Variants in FOXP1 observed in about 807,000 individuals in gnomAD.
FOXP1 encodes the protein forkhead box P1.
FOXP1 carries 15 observed loss-of-function variants against 98.2 expected under a neutral mutation model. The ratio of observed to expected loss-of-function variants is 0.15; its 90% CI spans 0.10 to 0.24. The LOEUF (loss-of-function observed/expected upper bound fraction) is 0.24, where lower values mean the gene tolerates loss of function less well. Ranked by LOEUF, FOXP1 falls within the 10% of genes least tolerant of loss-of-function variation. The probability of loss-of-function intolerance (pLI) is 1.00; values close to 1 mark genes in which losing one functional copy is unlikely to be tolerated. For synonymous variants in FOXP1, 371 were observed against 314.5 expected (o/e 1.18, Z -1.90); for missense variants, 633 against 848.5 (o/e 0.75, Z 3.15).
At chr3:71,112,299 C>A (rs2058009321) in intron 7 of FOXP1, among the ~76,000 whole-genome samples, 2 of 152,170 alleles carry the variant, frequency 1.3e-5, no homozygotes, top group African/African-American at 4.8e-5. Flanking sequence ...TCAACACTTA[C>A]AACTCCTTAT....
rs2042291418 is a variant in FOXP1 at position 71,512,764 on chromosome 3, C to G, written c.-297-19209G>C. On this transcript the variant is annotated intron_variant, in intron 2 of 20. Transcript: ENST00000649528. ...TTCTCAGTTCCATTCTGTCCCACAT[C>G]CTGGTGCCGTCATCTCTTCCCACAC... Among the ~76,000 whole-genome samples the G allele has an allele frequency of 2.0e-5, 3 of 152,284 alleles. No individual in the cohort carries two copies. The South Asian group carries it at 6.2e-4, about 32-fold the overall frequency.
In FOXP1 at chr3:70,977,819, A is replaced by T; in HGVS notation, c.1348+9T>A. ...CAACTCTACGTGAGGCAAAAGGTGG[A>T]GTATCTACCTGACGAAATGGGCACG... On this transcript the variant is annotated intron_variant, in intron 15 of 20. Transcript: ENST00000649528. 1.2e-6 allele frequency: 2 copies of T among 1,613,966 alleles called. No individual in the cohort carries two copies. The highest frequency in any genetic ancestry group is 8.5e-7 in the Non-Finnish European group (1 of 1,179,820).
chr3:71,075,338 G>A (rs1473982591), intron 7 of FOXP1, among the ~76,000 whole-genome samples: 1 of 152,132 alleles, frequency 6.6e-6, no homozygotes, highest in African/African-American at 2.4e-5. Context: ...GCTTCCTAAT[G>A]TATCATTATT....
At chr3:71,040,506 T>C (rs1010915567) in intron 11 of FOXP1, 8 of 152,204 alleles carry the variant, frequency 5.3e-5, no homozygotes, top group Admixed American at 2.6e-4. Context: ...ACAGTGGTAT[T>C]AATGCTTCTG....
At chr3:71,328,815 A>G (rs530150102) in intron 4 of FOXP1, among the ~76,000 whole-genome samples, 33 of 152,000 alleles carry the variant, frequency 2.2e-4, no homozygotes, top group Non-Finnish European at 4.4e-4. Flanking sequence ...TCTACTAAAA[A>G]TACAAAATTA....
At chr3:71,499,076 T>TC (rs1179978374) in intron 2 of FOXP1, among the ~76,000 whole-genome samples, 2 of 151,996 alleles carry the variant, frequency 1.3e-5, no homozygotes, top group African/African-American at 2.4e-5. Flanking sequence ...CCACTCACTA[T>TC]CCCCCACCCA....
chr3:71,075,729 T>A (rs199751243), intron 7 of FOXP1, among the ~76,000 whole-genome samples: 5 of 128,606 alleles, frequency 3.9e-5, no homozygotes, highest in African/African-American at 3.0e-5. Flanking sequence ...TTTTTTTTTT[T>A]AAACAAATAG....
intron 20 of FOXP1, among the ~76,000 whole-genome samples, chr3:70,961,947 G>T (rs11926484): frequency 0.022 from 3,273 of 152,096 alleles, 129 homozygotes; most frequent in African/African-American, 0.074. Flanking sequence ...GTCCTTTTAG[G>T]CATGAGATCC....
chr3:71,219,145 C>G (rs188001295), intron 5 of FOXP1, among the ~76,000 whole-genome samples: 1 of 152,192 alleles, frequency 6.6e-6, no homozygotes. Flanking sequence ...TTAAATATTA[C>G]CTGCCTCTCC....
intron 5 of FOXP1, among the ~76,000 whole-genome samples, chr3:71,250,612 G>T (rs2068106077): frequency 1.3e-5 from 2 of 152,152 alleles, no homozygotes; most frequent in Admixed American, 6.5e-5. Context: ...CTTCTCAACG[G>T]AAATTAATAA....
At chr3:71,230,624 G>A (rs1256469903) in intron 5 of FOXP1, among the ~76,000 whole-genome samples, 1 of 152,192 alleles carries the variant, frequency 6.6e-6, no homozygotes, top group Non-Finnish European at 1.5e-5. Flanking sequence ...TCTAAAGTCT[G>A]CTAAGCCAAA....
Position 70,959,080 on chromosome 3 carries a change from G to C in FOXP1, c.*167C>G, listed in dbSNP as rs2032553721. The stretch of plus-strand genomic sequence containing the variant: ...AAAAATCAAAAATACTCCCAAATGG[G>C]GTTCTTGATGGCACTAAGAGTTAAC... On this transcript the variant is annotated 3_prime_UTR_variant, in exon 21 of 21. Coordinates refer to ENST00000649528, the MANE Select transcript of FOXP1 (RefSeq NM_001349338.3). The C allele has an allele frequency of 1.4e-6, 1 of 726,358 alleles. No homozygotes were observed. The highest frequency in any genetic ancestry group is 2.3e-6 in the Non-Finnish European group (1 of 439,682). 45.0% of individuals were successfully genotyped at this position (726,358 alleles called of 1,614,324 possible). A position where few individuals can be genotyped will look rare whatever the true frequency, so the allele number is the denominator to read the frequency against.
At chr3:71,360,738 T>G (rs1225735989) in intron 3 of FOXP1, 1 of 152,234 alleles carries the variant, frequency 6.6e-6, no homozygotes, top group Non-Finnish European at 1.5e-5. Flanking sequence ...CATGTACGTC[T>G]GTGTGCAGTG....
intron 2 of FOXP1, among the ~76,000 whole-genome samples, chr3:71,564,577 T>C (rs1355732361): frequency 1.3e-5 from 2 of 152,236 alleles, no homozygotes; most frequent in African/African-American, 4.8e-5. Flanking sequence ...TGCCCGTAAC[T>C]ACCACGTTGC....
intron 5 of FOXP1, chr3:71,244,768 C>T (rs2067583835): frequency 6.6e-6 from 1 of 151,698 alleles, no homozygotes; most frequent in Admixed American, 6.6e-5. Context: ...CACAAAAGAC[C>T]TCCGCAATAT....
intron 2 of FOXP1, chr3:71,571,259 C>G (rs1578228357): frequency 6.6e-6 from 1 of 152,190 alleles, no homozygotes; most frequent in East Asian, 1.9e-4. Context: ...TAAACCATTA[C>G]TAAGTATGAT....
intron 3 of FOXP1, among the ~76,000 whole-genome samples, chr3:71,420,000 AGAGACGGG>A (rs772074138): frequency 2.6e-5 from 4 of 151,942 alleles, no homozygotes; most frequent in Non-Finnish European, 5.9e-5. Context: ...TAATTTTAGT[AGAGACGGG>A]GTTTCACCAT....
chr3:71,329,949 G>C (rs1308784516), intron 4 of FOXP1: 1 of 152,182 alleles, frequency 6.6e-6, no homozygotes, highest in Non-Finnish European at 1.5e-5. Context: ...GCTTGTGCCT[G>C]TAATCCCAGC....
chr3:71,414,728 G>T (rs2083075455), intron 3 of FOXP1, among the ~76,000 whole-genome samples: 1 of 152,208 alleles, frequency 6.6e-6, no homozygotes, highest in Non-Finnish European at 1.5e-5. Flanking sequence ...GAGCCTTGCT[G>T]GGAAACACCG....
Sources: gnomAD v4.1 joint callset for allele counts (sites outside exome capture counted in the v4.1 genomes callset) on GRCh38, gnomAD v4.1.1 for gene constraint, MANE v1.5 for transcripts, NCBI Gene and HGNC (gene_info 2026-07-23, HGNC 2026-07-21) for gene names.